PRKX: variants seen among roughly 807,000 people sequenced by gnomAD.
PRKX encodes protein kinase cAMP-dependent X-linked catalytic subunit.
Under a neutral mutation model 22.0 loss-of-function variants are expected in PRKX, and 12 were observed. That is an observed-to-expected ratio of 0.54 (90% CI 0.35 to 0.88). PRKX has a LOEUF of 0.88. Ranked by LOEUF, PRKX falls within the 40% of genes least tolerant of loss-of-function variation. The pLI is 0.01. For missense variants in PRKX, 217 were observed against 308.0 expected (o/e 0.70, Z 2.21); for synonymous variants, 134 against 137.7 (o/e 0.97, Z 0.19).
intron 5 of PRKX, among the ~76,000 whole-genome samples, chrX:3,624,289 CT>C (rs1569042104): frequency 9.0e-6 from 1 of 111,555 alleles, no homozygotes; most frequent in African/African-American, 3.3e-5. Flanking sequence ...AAGAAGTGAA[CT>C]GTCAGTTCAC....
chrX:3,704,250 C>T (rs1445761096), intron 1 of PRKX, among the ~76,000 whole-genome samples: 1 of 112,010 alleles, frequency 8.9e-6, no homozygotes, highest in Non-Finnish European at 1.9e-5. Context: ...TTTACCCGCA[C>T]ACACGTATTA....
At chrX:3,623,377 A>T in intron 5 of PRKX, among the ~76,000 whole-genome samples, 1 of 110,289 alleles carries the variant, frequency 9.1e-6, no homozygotes, top group Admixed American at 9.8e-5. Flanking sequence ...CAACATAGTA[A>T]GACCCTCGTT....
intron 1 of PRKX, among the ~76,000 whole-genome samples, chrX:3,697,619 C>T (rs1928470390): frequency 9.2e-6 from 1 of 109,261 alleles, no homozygotes; most frequent in Admixed American, 9.9e-5. Flanking sequence ...GATTATGGCT[C>T]ACTGCAGTTC....
chrX:3,619,056 A>C (rs1435283356), intron 6 of PRKX, among the ~76,000 whole-genome samples: 1 of 112,559 alleles, frequency 8.9e-6, no homozygotes, highest in Non-Finnish European at 1.9e-5. Context: ...TCCCTCAAAA[A>C]GATATGTGCA....
chrX:3,625,216 G>A (rs67374029), intron 5 of PRKX, among the ~76,000 whole-genome samples: 6,678 of 110,783 alleles, frequency 0.06, 465 homozygotes, highest in African/African-American at 0.2. Context: ...AATAAAACAC[G>A]ACCTTATCTT....
At chrX:3,681,043 G>A (rs1928061340) in intron 1 of PRKX, among the ~76,000 whole-genome samples, 1 of 109,618 alleles carries the variant, frequency 9.1e-6, no homozygotes, top group Non-Finnish European at 1.9e-5. Flanking sequence ...CCGCACTGCA[G>A]TCTGGGCAAC....
chrX:3,698,333 TTC>T (rs1477900579), intron 1 of PRKX, among the ~76,000 whole-genome samples: 2 of 110,844 alleles, frequency 1.8e-5, no homozygotes, highest in African/African-American at 3.3e-5. Flanking sequence ...GAAGCAATTT[TTC>T]TCTTTTTCTC....
Position 3,713,548 on chromosome X carries a change from G to C in PRKX, c.-295C>G, listed in dbSNP as rs1311960566. ...AAGGCGGGGGCCGCGGCCCGGGCTG[G>C]GGGGGGCGAGGCGGGGGCCCTGCGC... On this transcript the variant is annotated 5_prime_UTR_variant, in exon 1 of 9. Transcript: ENST00000262848. 5 of 192,809 alleles carry C rather than the reference G, an allele frequency of 2.6e-5. No homozygotes were observed. Among genetic ancestry groups the C allele is most frequent in the African/African-American group, 6.0e-5 (2 of 33,209 alleles). 15.9% of individuals were successfully genotyped at this position (192,809 alleles called of 1,213,427 possible).
At chrX:3,621,168 C>A in intron 6 of PRKX, 91 bp downstream of exon 6, 1 of 787,031 alleles carries the variant, frequency 1.3e-6, no homozygotes, top group Admixed American at 2.8e-5. Flanking sequence ...ACCGCTAAGC[C>A]TTGGTTTATA....
At chrX:3,630,738 C>A (rs1442458206) in intron 4 of PRKX, among the ~76,000 whole-genome samples, 1 of 111,046 alleles carries the variant, frequency 9.0e-6, no homozygotes. Flanking sequence ...ACCATCAGAT[C>A]TCCTGAGAAC....
chrX:3,702,183 T>G (rs1226297666), intron 1 of PRKX, among the ~76,000 whole-genome samples: 1 of 112,247 alleles, frequency 8.9e-6, no homozygotes, highest in Non-Finnish European at 1.9e-5. Flanking sequence ...AACATAAGCA[T>G]GCATACCCAA....
At chrX:3,666,911 TAAA>T (rs35951668) in intron 2 of PRKX, among the ~76,000 whole-genome samples, 3 of 65,790 alleles carry the variant, frequency 4.6e-5, no homozygotes, top group Non-Finnish European at 8.2e-5. Flanking sequence ...TCATTTCTTT[TAAA>T]AAAAAAAAAA....
At chrX:3,676,712 C>G (rs916356523) in intron 1 of PRKX, among the ~76,000 whole-genome samples, 3 of 111,711 alleles carry the variant, frequency 2.7e-5, no homozygotes, top group African/African-American at 9.8e-5. Context: ...TGTCCCCACC[C>G]AAGTCTAATC....
At chrX:3,647,680 T>G (rs1044137335) in intron 3 of PRKX, among the ~76,000 whole-genome samples, 10 of 108,919 alleles carry the variant, frequency 9.2e-5, no homozygotes, top group African/African-American at 3.3e-4. Context: ...TATACATAAT[T>G]ATGATTTTAT....
At chrX:3,693,469 G>A (rs1380185316) in intron 1 of PRKX, among the ~76,000 whole-genome samples, 1 of 111,072 alleles carries the variant, frequency 9.0e-6, no homozygotes, top group African/African-American at 3.3e-5. Context: ...GGCAAGGTGT[G>A]CAGGTGCACA....
intron 5 of PRKX, 90 bp downstream of exon 5, chrX:3,626,329 T>C: frequency 3.0e-6 from 2 of 659,316 alleles, no homozygotes; most frequent in Non-Finnish European, 4.8e-6. Flanking sequence ...AATAACACAA[T>C]ATGGTATCCT....
At chrX:3,676,064 C>G (rs1376128462) in intron 1 of PRKX, among the ~76,000 whole-genome samples, 3 of 111,626 alleles carry the variant, frequency 2.7e-5, no homozygotes, top group African/African-American at 9.8e-5. Flanking sequence ...TAGAGTATCC[C>G]TAAATTGCCT....
intron 7 of PRKX, among the ~76,000 whole-genome samples, chrX:3,614,584 G>C (rs1926379168): frequency 8.9e-6 from 1 of 112,055 alleles, no homozygotes; most frequent in Admixed American, 9.5e-5. Context: ...TGGATGTCAT[G>C]AAGGTTGAGA....
chrX:3,609,660 G>A (rs1434555252), intron 8 of PRKX, among the ~76,000 whole-genome samples: 1 of 109,852 alleles, frequency 9.1e-6, no homozygotes, highest in Admixed American at 9.8e-5. Flanking sequence ...TCACTATGTT[G>A]CCCAGGCTTG....
Sources: allele counts gnomAD v4.1 joint callset (sites outside exome capture counted in the v4.1 genomes callset), GRCh38; gene constraint gnomAD v4.1.1; transcripts MANE v1.5; gene names NCBI Gene and HGNC (gene_info 2026-07-23, HGNC 2026-07-21).